Variants in DCDC2 observed in about 807,000 individuals in gnomAD.
DCDC2 encodes doublecortin domain containing 2.
A neutral mutation model predicts 50.2 loss-of-function variants in DCDC2; 40 were observed. That is an observed-to-expected ratio of 0.80 (90% confidence interval 0.62 to 1.04). The LOEUF (loss-of-function observed/expected upper bound fraction) is 1.04, where lower values mean the gene tolerates loss of function less well. DCDC2 is among the 50% of genes least tolerant of loss of function. The pLI is 0.00. For synonymous variants in DCDC2, 234 were observed against 210.6 expected, an observed-to-expected ratio of 1.11 and a Z score of -0.96; for missense variants, 570 against 581.9, an observed-to-expected ratio of 0.98 and a Z score of 0.21.
intron 4 of DCDC2, 151 bp downstream of exon 4, chr6:24,301,564 A>T (rs943545316): frequency 3.6e-6 from 3 of 842,494 alleles, no homozygotes; most frequent in African/African-American, 1.7e-5. Context: ...GCTATGAGGT[A>T]TATCTCCATT....
chr6:24,175,913 G>A (rs1405471154), intron 9 of DCDC2, among the ~76,000 whole-genome samples: 1 of 152,084 alleles, frequency 6.6e-6, no homozygotes, highest in East Asian at 1.9e-4. Context: ...ATATGTTAGG[G>A]AGAACAAGAT....
intron 9 of DCDC2, among the ~76,000 whole-genome samples, chr6:24,175,790 C>G (rs1393390938): frequency 1.3e-5 from 2 of 152,162 alleles, no homozygotes; most frequent in African/African-American, 4.8e-5. Context: ...AATTTCTAGT[C>G]ATTTTATTAG....
intron 8 of DCDC2, among the ~76,000 whole-genome samples, chr6:24,200,103 A>G (rs566848878): frequency 6.6e-6 from 1 of 152,356 alleles, no homozygotes; most frequent in South Asian, 2.1e-4. Flanking sequence ...GTTATCCAGC[A>G]GAACCTCCCC....
chr6:24,366,674 T>G, the DCDC2 span, among the ~76,000 whole-genome samples: 1 of 152,180 alleles, frequency 6.6e-6, no homozygotes, highest in Non-Finnish European at 1.5e-5. Context: ...TGTCCAGTGT[T>G]GTATTAGAAA....
intron 8 of DCDC2, 36 bp from the exon 9 acceptor site, chr6:24,178,668 A>G (rs1349872936): frequency 6.4e-7 from 1 of 1,574,654 alleles, no homozygotes; most frequent in African/African-American, 1.3e-5. Context: ...TAAAAGTAAG[A>G]AGCATAACAG....
intron 7 of DCDC2, among the ~76,000 whole-genome samples, chr6:24,263,746 G>T (rs1048746001): frequency 2.0e-5 from 3 of 152,042 alleles, no homozygotes; most frequent in Non-Finnish European, 2.9e-5. Context: ...GACAATAGCC[G>T]CTAAAGGGCA....
intron 2 of DCDC2, among the ~76,000 whole-genome samples, chr6:24,319,285 G>A (rs568154910): frequency 3.7e-5 from 2 of 53,464 alleles, no homozygotes; most frequent in African/African-American, 5.0e-5. Context: ...ATTATTTGTG[G>A]GGTTTTTTTT....
intron 7 of DCDC2, among the ~76,000 whole-genome samples, chr6:24,214,964 C>T (rs1231605867): frequency 6.6e-6 from 1 of 152,174 alleles, no homozygotes; most frequent in African/African-American, 2.4e-5. Context: ...CCCACATGTG[C>T]TAGACACCAG....
chr6:24,250,403 G>C (rs973735249), intron 7 of DCDC2, among the ~76,000 whole-genome samples: 7 of 152,204 alleles, frequency 4.6e-5, no homozygotes, highest in African/African-American at 1.7e-4. Flanking sequence ...CAGAGCACTA[G>C]GGTGGGCCTG....
chr6:24,238,456 G>A (rs970468182), intron 7 of DCDC2, among the ~76,000 whole-genome samples: 9 of 151,368 alleles, frequency 5.9e-5, no homozygotes, highest in Middle Eastern at 3.2e-3. Context: ...GCACCACCAT[G>A]CCCAGCTAAT....
chr6:24,359,713 A>C (rs1173275250), upstream of DCDC2, among the ~76,000 whole-genome samples: 1 of 150,290 alleles, frequency 6.7e-6, no homozygotes, highest in Non-Finnish European at 1.5e-5. Context: ...CCTGAGCAGC[A>C]CAGCAAGACC....
intron 7 of DCDC2, among the ~76,000 whole-genome samples, chr6:24,221,712 A>G (rs1381141276): frequency 6.6e-6 from 1 of 152,232 alleles, no homozygotes; most frequent in Non-Finnish European, 1.5e-5. Context: ...TGTGAAGTGG[A>G]TATTTTTAGC....
chr6:24,295,897 T>C (rs139582305), intron 4 of DCDC2, among the ~76,000 whole-genome samples: 93 of 152,254 alleles, frequency 6.1e-4, no homozygotes, highest in African/African-American at 2.1e-3. Context: ...GGCCATATAC[T>C]GCCCAAAGCA....
In DCDC2 at chr6:24,357,979, G is replaced by A; in HGVS notation, c.-229C>T. On this transcript the variant is annotated 5_prime_UTR_variant, in exon 1 of 10. It adds an upstream start codon to the 5' untranslated region. Coordinates refer to ENST00000378454, the MANE Select transcript of DCDC2 (RefSeq NM_016356.5). ...AGACGCTCAAGTTTTTCACCGTGGC[G>A]TGCACAGCCAATCAGGACCCGCAGT... 1.4e-6 allele frequency: 2 copies of A among 1,453,336 alleles called. No individual in the cohort carries two copies. The highest frequency in any genetic ancestry group is 1.4e-5 in the African/African-American group (1 of 70,358). 90.0% of individuals were successfully genotyped at this position (1,453,336 alleles called of 1,614,324 possible). A position where few individuals can be genotyped will look rare whatever the true frequency, so the allele number is the denominator to read the frequency against.
chr6:24,266,997 A>C (rs182647378), intron 7 of DCDC2, among the ~76,000 whole-genome samples: 1 of 152,338 alleles, frequency 6.6e-6, no homozygotes, highest in East Asian at 1.9e-4. Context: ...AGATACTGTC[A>C]TTTCCATCAA....
intron 7 of DCDC2, among the ~76,000 whole-genome samples, chr6:24,251,535 A>C (rs1013195778): frequency 1.3e-5 from 2 of 151,942 alleles, no homozygotes; most frequent in African/African-American, 4.8e-5. Flanking sequence ...CCATCTTGAC[A>C]CCTCCTGACA....
intron 1 of DCDC2, among the ~76,000 whole-genome samples, chr6:24,354,065 T>C (rs1760423062): frequency 6.6e-6 from 1 of 152,162 alleles, no homozygotes; most frequent in South Asian, 2.1e-4. Context: ...ATTGTCTCTA[T>C]GAGAGCACCT....
intron 8 of DCDC2, among the ~76,000 whole-genome samples, chr6:24,191,944 T>C (rs958795535): frequency 6.6e-6 from 1 of 152,100 alleles, no homozygotes; most frequent in Non-Finnish European, 1.5e-5. Context: ...AAGCAAGCCT[T>C]TGCGTGCTTA....
chr6:24,183,976 G>A (rs1463160712), intron 8 of DCDC2, among the ~76,000 whole-genome samples: 2 of 152,178 alleles, frequency 1.3e-5, no homozygotes, highest in African/African-American at 2.4e-5. Flanking sequence ...GCTGAGCACC[G>A]CTCTGTGCCA....
Sources: allele counts gnomAD v4.1 joint callset (sites outside exome capture counted in the v4.1 genomes callset), GRCh38; gene constraint gnomAD v4.1.1; transcripts MANE v1.5; gene names NCBI Gene and HGNC (gene_info 2026-07-23, HGNC 2026-07-21).